The following XRCC5 variants were observed in gnomAD, a reference collection of about 807,000 sequenced individuals.
XRCC5 encodes the protein X-ray repair cross complementing 5, also known as DNA repair protein Ku80.
Under a neutral mutation model 95.7 loss-of-function variants are expected in XRCC5, and 12 were observed. That is an observed-to-expected ratio of 0.13 (90% CI 0.08 to 0.20). The LOEUF (loss-of-function observed/expected upper bound fraction) is 0.20. Among genes scored for constraint, XRCC5 ranks in the 10% least tolerant of loss-of-function variants. The pLI is 1.00. For synonymous variants in XRCC5, 281 were observed against 290.3 expected, an observed-to-expected ratio of 0.97 and a Z score of 0.33; for missense variants, 595 against 873.9, an observed-to-expected ratio of 0.68 and a Z score of 4.02.
chr2:216,155,576 C>G (rs1031968865), intron 14 of XRCC5, among the ~76,000 whole-genome samples: 1 of 152,130 alleles, frequency 6.6e-6, no homozygotes, highest in African/African-American at 2.4e-5. Context: ...TAGAAGCAAC[C>G]AGTGTACTCG....
At chr2:216,187,797 A>ACACACACG (rs1689524913) in intron 16 of XRCC5, among the ~76,000 whole-genome samples, 1 of 95,492 alleles carries the variant, frequency 1.0e-5, no homozygotes, top group Non-Finnish European at 2.0e-5. Flanking sequence ...ACACACACAC[A>ACACACACG]CACACACACA....
chr2:216,112,449 C>T (rs1696605119), intron 1 of XRCC5, among the ~76,000 whole-genome samples: 1 of 152,224 alleles, frequency 6.6e-6, no homozygotes, highest in South Asian at 2.1e-4. Context: ...TGTTATCTGT[C>T]TGTGTCCTCT....
At chr2:216,146,185 A>G (rs1688628456) in intron 13 of XRCC5, among the ~76,000 whole-genome samples, 2 of 152,230 alleles carry the variant, frequency 1.3e-5, no homozygotes, top group South Asian at 2.1e-4. Context: ...TGAATATACT[A>G]TGGAGAAGGA....
chr2:216,148,863 C>G (rs763274278), intron 14 of XRCC5, among the ~76,000 whole-genome samples: 6 of 152,098 alleles, frequency 3.9e-5, no homozygotes, highest in African/African-American at 1.4e-4. Flanking sequence ...AGTTTTTTCC[C>G]TCTTCTGTTC....
chr2:216,117,114 G>A (rs551420279), intron 3 of XRCC5: 18 of 431,648 alleles, frequency 4.2e-5, no homozygotes, highest in Non-Finnish European at 7.5e-5. Flanking sequence ...ATCCTAGGGA[G>A]TATATGTGAG....
rs1364664668 is a variant in XRCC5, at chr2:216,130,732, G to A, written c.938-143G>A. ...TGCTTTTTCACCATTGATCACAAGG[G>A]GCAGTCATCTGATTCCAGGGAATAG... On this transcript the variant is annotated intron_variant, in intron 8 of 20. Transcript: ENST00000392132. The A allele has an allele frequency of 5.3e-6, 3 of 560,816 alleles. No homozygotes were observed. In the African/African-American group the frequency reaches 5.8e-5, roughly 11 times the overall value. The allele number at this position is 560,816 out of a possible 1,614,324, so 34.7% of individuals were successfully genotyped here. A position where few individuals can be genotyped will look rare whatever the true frequency, so the allele number is the denominator to read the frequency against.
intron 10 of XRCC5, among the ~76,000 whole-genome samples, chr2:216,134,796 A>G (rs761119557): frequency 1.3e-4 from 20 of 152,034 alleles, no homozygotes; most frequent in Non-Finnish European, 2.6e-4. Flanking sequence ...AAAACTTCAA[A>G]CAAATTGGAA....
chr2:216,170,851 A>G (rs1347172955), intron 16 of XRCC5, among the ~76,000 whole-genome samples: 3 of 152,136 alleles, frequency 2.0e-5, no homozygotes, highest in Non-Finnish European at 4.4e-5. Context: ...ACTCATGGCA[A>G]TTTGGTTCTT....
chr2:216,183,414 TGAG>T (rs1204476618), intron 16 of XRCC5, among the ~76,000 whole-genome samples: 2 of 152,218 alleles, frequency 1.3e-5, no homozygotes, highest in Admixed American at 1.3e-4. Context: ...CTGCACTTAA[TGAG>T]AAAATCATTA....
intron 5 of XRCC5, among the ~76,000 whole-genome samples, chr2:216,121,488 G>GCTA (rs1696810080): frequency 6.6e-6 from 1 of 152,132 alleles, no homozygotes; most frequent in Non-Finnish European, 1.5e-5. Context: ...TGTCAAAAGG[G>GCTA]CTAACACTGT....
At chr2:216,200,130 G>A (rs1689808994) in intron 19 of XRCC5, among the ~76,000 whole-genome samples, 1 of 152,184 alleles carries the variant, frequency 6.6e-6, no homozygotes, top group South Asian at 2.1e-4. Flanking sequence ...CAGACCCCCA[G>A]ATGCCCGCTG....
intron 11 of XRCC5, among the ~76,000 whole-genome samples, chr2:216,137,854 G>A (rs778517846): frequency 2.6e-5 from 4 of 152,160 alleles, no homozygotes; most frequent in Non-Finnish European, 4.4e-5. Context: ...GCATTTGATA[G>A]CAGTCCTTTA....
At chr2:216,114,854 C>T (rs1182792569) in intron 2 of XRCC5, among the ~76,000 whole-genome samples, 2 of 152,200 alleles carry the variant, frequency 1.3e-5, no homozygotes. Context: ...GTTGCCGCTA[C>T]TGAGCATGCG....
At chr2:216,205,102 C>G in intron 20 of XRCC5, 86 bp from the exon 21 acceptor site, 1 of 1,530,076 alleles carries the variant, frequency 6.5e-7, no homozygotes, top group Non-Finnish European at 9.1e-7. Context: ...AATGTAGAGT[C>G]ATTTTCATTA....
chr2:216,162,631 A>T (rs1427682259), intron 16 of XRCC5, among the ~76,000 whole-genome samples: 1 of 152,084 alleles, frequency 6.6e-6, no homozygotes, highest in Non-Finnish European at 1.5e-5. Context: ...ACCTCAGGTG[A>T]TCTGCCAGCC....
intron 11 of XRCC5, among the ~76,000 whole-genome samples, chr2:216,137,876 T>C (rs143245801): frequency 3.9e-5 from 6 of 152,370 alleles, no homozygotes; most frequent in Non-Finnish European, 7.3e-5. Context: ...TATTCTTTTA[T>C]ACATTTCTCT....
intron 19 of XRCC5, among the ~76,000 whole-genome samples, chr2:216,195,232 C>T (rs1368392479): frequency 6.6e-6 from 1 of 152,148 alleles, no homozygotes; most frequent in Non-Finnish European, 1.5e-5. Context: ...CTAGAGCATG[C>T]TGTTGAACCC....
intron 16 of XRCC5, among the ~76,000 whole-genome samples, chr2:216,183,799 T>C (rs1436325407): frequency 6.6e-6 from 1 of 152,192 alleles, no homozygotes; most frequent in Non-Finnish European, 1.5e-5. Flanking sequence ...GTCCAGCTGC[T>C]TAAAAAAGAT....
intron 16 of XRCC5, among the ~76,000 whole-genome samples, chr2:216,179,975 A>G (rs1689352461): frequency 6.6e-6 from 1 of 152,214 alleles, no homozygotes; most frequent in Non-Finnish European, 1.5e-5. Context: ...AGAATTGTCA[A>G]GTTTTGCTGA....
Sources: allele counts gnomAD v4.1 joint callset (sites outside exome capture counted in the v4.1 genomes callset), GRCh38; gene constraint gnomAD v4.1.1; transcripts MANE v1.5; gene names NCBI Gene and HGNC (gene_info 2026-07-23, HGNC 2026-07-21).